Variants in CENPO observed in about 807,000 individuals in gnomAD.
The protein encoded by CENPO is centromere protein O, also known as centromeric protein O.
CENPO carries 30 observed loss-of-function variants against 36.1 expected under a neutral mutation model. That is an observed-to-expected ratio of 0.83 (90% CI 0.62 to 1.13). CENPO has a LOEUF of 1.13. Among genes scored for constraint, CENPO ranks in the 50% most tolerant of loss-of-function variants. The probability of loss-of-function intolerance (pLI) is 0.00; values close to 1 mark genes in which losing one functional copy is unlikely to be tolerated. For missense variants in CENPO, 349 were observed against 357.8 expected, an observed-to-expected ratio of 0.98 and a Z score of 0.20; for synonymous variants, 171 against 142.3, an observed-to-expected ratio of 1.20 and a Z score of -1.44.
chr2:24,822,297 TG>T lies in CENPO; in HGVS notation c.*2980del, dbSNP rs1292747096. 6.7e-6 allele frequency: 4 copies of T among 594,202 alleles called. No individual in the cohort carries two copies. Among genetic ancestry groups the T allele is most frequent in the Non-Finnish European group, 1.1e-5 (4 of 354,006 alleles). The allele number at this position is 594,202 out of a possible 1,614,324, so 36.8% of individuals were successfully genotyped here. The stretch of plus-strand genomic sequence containing the variant: ...GAACACAACCATCTTAGGCCTGAGC[TG>T]TGAACAGCAGGGGGTTGTGTGTCTG... On this transcript the variant is annotated 3_prime_UTR_variant, in exon 8 of 8. Transcript: ENST00000380834.
Position 24,821,561 on chromosome 2 carries a change from G to GT in CENPO, c.*2244dup. The GT allele has an allele frequency of 6.2e-7, 1 of 1,614,170 alleles. No homozygotes were observed. Among genetic ancestry groups the GT allele is most frequent in the Admixed American group, 1.7e-5 (1 of 60,032 alleles). On this transcript the variant is annotated 3_prime_UTR_variant, in exon 8 of 8. Coordinates refer to ENST00000380834, the MANE Select transcript of CENPO (RefSeq NM_001322101.2). ...ATTGAAGGACTGGTTGTTGATGTTG[G>GT]TGAGCGTATCCTTCATGGCCAGCGC... is the stretch of plus-strand genomic sequence containing the variant.
At position 24,820,807 on chromosome 2, in the gene CENPO, G is replaced by A. The variant is rs771914767; in HGVS notation, c.*1489G>A. 4.3e-6 allele frequency: 7 copies of A among 1,613,870 alleles called. No homozygotes were observed. The highest frequency in any genetic ancestry group is 1.3e-5 in the African/African-American group (1 of 74,848). On this transcript the variant is annotated 3_prime_UTR_variant, in exon 8 of 8. Coordinates refer to ENST00000380834, the MANE Select transcript of CENPO (RefSeq NM_001322101.2). ...CCCCAGATGTCGTAGTGTGGTTTCC[G>A]GGCTCCGATGACCCCAGCCAGAACC...
At position 24,819,785 on chromosome 2, in the gene CENPO, A is replaced by T; in HGVS notation, c.*467A>T. On this transcript the variant is annotated 3_prime_UTR_variant, in exon 8 of 8. Coordinates refer to ENST00000380834, the MANE Select transcript of CENPO (RefSeq NM_001322101.2). ...AATAGCAGGGCCACCCTCAGAGCTC[A>T]CACATCCACGAACAAATGAAGGCTG... The T allele has an allele frequency of 1.2e-6, 1 of 838,460 alleles. No homozygotes were observed. Among genetic ancestry groups the T allele is most frequent in the Non-Finnish European group, 1.8e-6 (1 of 541,030 alleles). The allele number at this position is 838,460 out of a possible 1,614,324, so 51.9% of individuals were successfully genotyped here. A position where few individuals can be genotyped will look rare whatever the true frequency, so the allele number is the denominator to read the frequency against.
chr2:24,812,768 G>A (rs1367203882), intron 3 of CENPO, among the ~76,000 whole-genome samples: 1 of 151,882 alleles, frequency 6.6e-6, no homozygotes, highest in Admixed American at 6.6e-5. Flanking sequence ...CTTTGGTCTG[G>A]GTTTCCATCT....
chr2:24,801,176 T>TTA (rs907185694), intron 3 of CENPO, among the ~76,000 whole-genome samples: 14 of 152,224 alleles, frequency 9.2e-5, no homozygotes, highest in Non-Finnish European at 1.8e-4. Flanking sequence ...ATGGGGTTGT[T>TTA]TGTTTTTTTC....
chr2:24,820,933 C>T lies in CENPO; in HGVS notation c.*1615C>T. On this transcript the variant is annotated 3_prime_UTR_variant, in exon 8 of 8. Coordinates refer to ENST00000380834, the MANE Select transcript of CENPO (RefSeq NM_001322101.2). ...AAGCCATCTCCTCTCCAGACCTGTACCACAAAGCTCCTAATGTAACACATC... is the reference window on the plus strand; with the variant it reads ...AAGCCATCTCCTCTCCAGACCTGTATCACAAAGCTCCTAATGTAACACATC... 1 of 1,540,444 alleles carries T rather than the reference C, an allele frequency of 6.5e-7. No homozygotes were observed. Among genetic ancestry groups the T allele is most frequent in the Non-Finnish European group, 8.8e-7 (1 of 1,135,978 alleles).
rs1484556375 is a variant in CENPO at position 24,820,313 on chromosome 2, T to G, written c.*995T>G. ...GAAGGAGAACCCTGGAGTGACTGGC[T>G]GGGGGCCTCCTCTCATCCAGAGACT... On this transcript the variant is annotated 3_prime_UTR_variant, in exon 8 of 8. Transcript: ENST00000380834. The G allele has an allele frequency of 4.5e-5, 59 of 1,304,574 alleles. No homozygotes were observed. The highest frequency in any genetic ancestry group is 5.6e-5 in the Non-Finnish European group (57 of 1,020,680). 80.8% of individuals were successfully genotyped at this position (1,304,574 alleles called of 1,614,324 possible).
In CENPO at chr2:24,817,714, C is replaced by T. The variant is rs1472486411; in HGVS notation, c.811C>T (p.His271Tyr). 1.9e-6 allele frequency: 3 copies of T among 1,614,242 alleles called. No individual in the cohort carries two copies. In the Admixed American group the frequency reaches 5.0e-5, roughly 27 times the overall value. ...STSWEEQRAS[H>Y]ETLFCTKPLH... ...TTCATGGGAGGAGCAACGAGCATCT[C>T]ATGAAACTCTGTTCTGTACGAAGCC... is the stretch of plus-strand genomic sequence containing the variant. The change falls in exon 7 of 8, where the codon CAT becomes TAT. Residue 271 changes from histidine (H) to tyrosine (Y), a missense_variant. Physicochemically the swap from His to Tyr is moderately conservative, Grantham distance 83. Coordinates refer to ENST00000380834, the MANE Select transcript of CENPO (RefSeq NM_001322101.2).
At chr2:24,806,255 G>A (rs1050230297) in intron 3 of CENPO, among the ~76,000 whole-genome samples, 7 of 152,198 alleles carry the variant, frequency 4.6e-5, no homozygotes, top group Non-Finnish European at 1.0e-4. Context: ...GGAACTCCCT[G>A]ACCCCTTGCG....
At chr2:24,794,925 T>C (rs1309291063) in intron 2 of CENPO, among the ~76,000 whole-genome samples, 1 of 152,226 alleles carries the variant, frequency 6.6e-6, no homozygotes, top group Admixed American at 6.5e-5. Context: ...CGTCAGTGAA[T>C]TTGGTTATCC....
intron 3 of CENPO, among the ~76,000 whole-genome samples, chr2:24,813,028 C>T (rs34976582): frequency 6.6e-6 from 1 of 151,072 alleles, no homozygotes; most frequent in Non-Finnish European, 1.5e-5. Context: ...GGTGGATCAT[C>T]TAACGTCAGG....
At chr2:24,808,229 G>C (rs941737754) in intron 3 of CENPO, among the ~76,000 whole-genome samples, 6 of 150,440 alleles carry the variant, frequency 4.0e-5, no homozygotes, top group African/African-American at 1.5e-4. Flanking sequence ...TATTTTTTTT[G>C]TTTTTGAGAC....
In CENPO at chr2:24,820,075, AGCCGTAC is replaced by A; in HGVS notation, c.*758_*764del. 6.3e-7 allele frequency: 1 copy of A among 1,579,970 alleles called. No individual in the cohort carries two copies. Among genetic ancestry groups the A allele is most frequent in the African/African-American group, 1.4e-5 (1 of 72,874 alleles). Reference sequence around the variant, plus strand: ...ATGGGGCCTCGCCTCACAAAGCGGAAGCCGTACTCTCGGAGGATGACTTGGGTTTCTT... The same window carrying A: ...ATGGGGCCTCGCCTCACAAAGCGGAATCTCGGAGGATGACTTGGGTTTCTT... On this transcript the variant is annotated 3_prime_UTR_variant, in exon 8 of 8. Coordinates refer to ENST00000380834, the MANE Select transcript of CENPO (RefSeq NM_001322101.2).
intron 3 of CENPO, among the ~76,000 whole-genome samples, chr2:24,810,308 G>A: frequency 6.6e-6 from 1 of 151,936 alleles, no homozygotes; most frequent in Admixed American, 6.6e-5. Context: ...GGCCGGGTGT[G>A]GTGGCTCACG....
chr2:24,797,874 A>G (rs1665981752), intron 2 of CENPO, among the ~76,000 whole-genome samples: 1 of 152,202 alleles, frequency 6.6e-6, no homozygotes, highest in Non-Finnish European at 1.5e-5. Context: ...TTGTAAAATA[A>G]TGGGAACAGA....
At chr2:24,802,538 GC>G (rs1217371776) in intron 3 of CENPO, among the ~76,000 whole-genome samples, 2 of 152,192 alleles carry the variant, frequency 1.3e-5, no homozygotes, top group African/African-American at 2.4e-5. Flanking sequence ...TTAGCATGAA[GC>G]GTTGTTGAAT....
intron 3 of CENPO, among the ~76,000 whole-genome samples, chr2:24,800,655 C>G (rs935621522): frequency 6.6e-6 from 1 of 152,140 alleles, no homozygotes; most frequent in African/African-American, 2.4e-5. Context: ...AGGATGTGAA[C>G]TCATCCTTTT....
At chr2:24,805,801 G>A (rs1458371827) in intron 3 of CENPO, among the ~76,000 whole-genome samples, 2 of 152,240 alleles carry the variant, frequency 1.3e-5, no homozygotes. Flanking sequence ...CAGTCTGTCT[G>A]TTCTCAGACC....
At chr2:24,818,580 ATT>A (rs765082090) in intron 7 of CENPO, among the ~76,000 whole-genome samples, 1 of 152,146 alleles carries the variant, frequency 6.6e-6, no homozygotes, top group Non-Finnish European at 1.5e-5. Flanking sequence ...TGTGTCTCAT[ATT>A]TTGTTTCCTA....
Sources: allele counts gnomAD v4.1 joint callset (sites outside exome capture counted in the v4.1 genomes callset), GRCh38; gene constraint gnomAD v4.1.1; transcripts MANE v1.5; gene names NCBI Gene and HGNC (gene_info 2026-07-23, HGNC 2026-07-21).